GRIP1: variants seen among roughly 807,000 people sequenced by gnomAD.
GRIP1 encodes glutamate receptor-interacting protein 1.
In GRIP1, 45 loss-of-function variants were observed where a neutral mutation model predicts 129.9. That is an observed-to-expected ratio of 0.35 (90% confidence interval 0.27 to 0.44). GRIP1 has a LOEUF of 0.44. GRIP1 is among the 20% of genes least tolerant of loss of function. The pLI is 1.00. For synonymous variants in GRIP1, 530 were observed against 520.8 expected, an observed-to-expected ratio of 1.02 and a Z score of -0.24; for missense variants, 1,196 against 1,396.8, an observed-to-expected ratio of 0.86 and a Z score of 2.29.
At chr12:67,000,222 G>A (rs960053859) in intron 1 of GRIP1, among the ~76,000 whole-genome samples, 1 of 151,968 alleles carries the variant, frequency 6.6e-6, no homozygotes, top group Non-Finnish European at 1.5e-5. Context: ...GTACTACAGG[G>A]CAAAAGGAAT....
intron 1 of GRIP1, among the ~76,000 whole-genome samples, chr12:66,952,191 C>T (rs1190088952): frequency 1.3e-5 from 2 of 152,012 alleles, no homozygotes; most frequent in Non-Finnish European, 2.9e-5. Context: ...AACAGCTGAG[C>T]AGAGCAGTCA....
chr12:66,871,735 C>G (rs1281958020), intron 1 of GRIP1, among the ~76,000 whole-genome samples: 1 of 152,058 alleles, frequency 6.6e-6, no homozygotes, highest in Admixed American at 6.6e-5. Flanking sequence ...TTCATCTCTT[C>G]TGATAATATT....
chr12:66,740,785 T>G (rs1329287541), intron 1 of GRIP1, among the ~76,000 whole-genome samples: 1 of 152,046 alleles, frequency 6.6e-6, no homozygotes, highest in African/African-American at 2.4e-5. Flanking sequence ...AAACGTTATA[T>G]TTGAGAAAAA....
At chr12:66,738,905 C>T (rs1271746351) in intron 1 of GRIP1, among the ~76,000 whole-genome samples, 1 of 152,208 alleles carries the variant, frequency 6.6e-6, no homozygotes, top group Non-Finnish European at 1.5e-5. Context: ...TGCCAGAAGC[C>T]ATCCTACCCA....
intron 1 of GRIP1, among the ~76,000 whole-genome samples, chr12:66,974,057 G>A (rs548290816): frequency 6.6e-6 from 1 of 151,636 alleles, no homozygotes; most frequent in East Asian, 2.0e-4. Context: ...CTGAGTAGGT[G>A]GGGATTACAG....
chr12:66,682,333 T>G (rs1395616504), upstream of GRIP1, among the ~76,000 whole-genome samples: 1 of 152,124 alleles, frequency 6.6e-6, no homozygotes, highest in Non-Finnish European at 1.5e-5. Flanking sequence ...TGAAAGACCA[T>G]TACGTATCAA....
intron 16 of GRIP1, among the ~76,000 whole-genome samples, chr12:66,404,051 T>C (rs754069197): frequency 4.6e-5 from 7 of 152,246 alleles, no homozygotes; most frequent in Non-Finnish European, 1.0e-4. Flanking sequence ...CCCAGGCTGA[T>C]GCTAAAGGCT....
intron 1 of GRIP1, among the ~76,000 whole-genome samples, chr12:66,945,887 C>T (rs1030863933): frequency 1.3e-5 from 2 of 152,330 alleles, no homozygotes; most frequent in Non-Finnish European, 2.9e-5. Context: ...GTCTTAGGTG[C>T]TGTGGCCTCT....
Position 66,934,465 on chromosome 12 carries a change from T to C in GRIP1, c.58+134585A>G, listed in dbSNP as rs556799569. Reference sequence around the variant, plus strand: ...AACTTACCACACTGTACAGTAATCATTTAGCTGCAGATCTGAAAGGGGCGA... The same window carrying C: ...AACTTACCACACTGTACAGTAATCACTTAGCTGCAGATCTGAAAGGGGCGA... On this transcript the variant is annotated intron_variant, in intron 1 of 1. Coordinates refer to the GRIP1 transcript ENST00000643019. Among the ~76,000 whole-genome samples the C allele has an allele frequency of 6.6e-5, 10 of 152,304 alleles. No individual in the cohort carries two copies. The South Asian group carries it at 2.1e-3, about 32-fold the overall frequency.
chr12:66,790,703 A>G lies in GRIP1; in HGVS notation c.-420+13350T>C, dbSNP rs1165380025. On this transcript the variant is annotated intron_variant, in intron 1 of 4. Transcript: ENST00000538373. The stretch of plus-strand genomic sequence containing the variant: ...AAAGGTACTGGGAACATATTTGGGT[A>G]GGAGCTAAGGTATTGAGTTCAGTTT... Among the ~76,000 whole-genome samples, 3 of 152,266 alleles carry G rather than the reference A, an allele frequency of 2.0e-5. No individual in the cohort carries two copies. The East Asian group carries it at 5.8e-4, about 29-fold the overall frequency.
At chr12:66,592,016 A>G (rs1343111312) in intron 2 of GRIP1, among the ~76,000 whole-genome samples, 1 of 152,190 alleles carries the variant, frequency 6.6e-6, no homozygotes. Context: ...ATAGCTGTAA[A>G]GTCCTAGTGT....
intron 4 of GRIP1, among the ~76,000 whole-genome samples, chr12:66,531,311 A>G (rs2061457415): frequency 1.2e-5 from 1 of 80,536 alleles, no homozygotes; most frequent in African/African-American, 5.8e-5. Context: ...ATACACACAC[A>G]CACACATACA....
intron 2 of GRIP1, among the ~76,000 whole-genome samples, chr12:66,580,495 G>A (rs1223273788): frequency 2.6e-5 from 4 of 152,182 alleles, no homozygotes; most frequent in Non-Finnish European, 5.9e-5. Context: ...CCATCAGTGT[G>A]TTGTACTCAG....
intron 19 of GRIP1, among the ~76,000 whole-genome samples, chr12:66,387,525 C>T (rs976327946): frequency 6.6e-6 from 1 of 152,092 alleles, no homozygotes; most frequent in Non-Finnish European, 1.5e-5. Flanking sequence ...AACATGTATA[C>T]CAAGTAAATA....
intron 1 of GRIP1, among the ~76,000 whole-genome samples, chr12:66,788,831 G>A (rs1451816061): frequency 6.6e-6 from 1 of 152,084 alleles, no homozygotes; most frequent in Admixed American, 6.6e-5. Context: ...AGCCTTCTGA[G>A]AGACCATGAA....
At chr12:66,806,461 G>A (rs912550565), upstream of GRIP1, among the ~76,000 whole-genome samples, 1 of 152,038 alleles carries the variant, frequency 6.6e-6, no homozygotes, top group South Asian at 2.1e-4. Flanking sequence ...AGATAATGCA[G>A]GCAATAAATT....
At chr12:66,908,294 G>A (rs2040969923) in intron 1 of GRIP1, among the ~76,000 whole-genome samples, 1 of 152,170 alleles carries the variant, frequency 6.6e-6, no homozygotes, top group Non-Finnish European at 1.5e-5. Flanking sequence ...TGGGTGGCAG[G>A]CTGAAAGTCA....
upstream of GRIP1, among the ~76,000 whole-genome samples, chr12:66,805,967 C>CT (rs71069019): frequency 0.23 from 30,395 of 130,486 alleles, 3,845 homozygotes; most frequent in Non-Finnish European, 0.32. Context: ...CCTTAGGTTT[C>CT]TTTTTTTTTT....
intron 1 of GRIP1, among the ~76,000 whole-genome samples, chr12:66,765,292 TG>T (rs1340079379): frequency 2.6e-5 from 4 of 152,192 alleles, no homozygotes; most frequent in African/African-American, 9.7e-5. Flanking sequence ...GCATATTTTT[TG>T]AATGGGTTTC....
Sources: gnomAD v4.1 joint callset for allele counts (sites outside exome capture counted in the v4.1 genomes callset) on GRCh38, gnomAD v4.1.1 for gene constraint, MANE v1.5 for transcripts, NCBI Gene and HGNC (gene_info 2026-07-23, HGNC 2026-07-21) for gene names.